Variants in ACVR2A observed in about 807,000 individuals in gnomAD.
ACVR2A encodes activin receptor type-2A.
ACVR2A carries 7 observed loss-of-function variants against 61.4 expected under a neutral mutation model. That is an observed-to-expected ratio of 0.11 (90% CI 0.06 to 0.21). The LOEUF (loss-of-function observed/expected upper bound fraction) is 0.21. Among genes scored for constraint, ACVR2A ranks in the 10% least tolerant of loss-of-function variants. The pLI is 1.00. For synonymous variants in ACVR2A, 193 were observed against 208.3 expected, an observed-to-expected ratio of 0.93 and a Z score of 0.63; for missense variants, 322 against 621.7, an observed-to-expected ratio of 0.52 and a Z score of 5.13.
At chr2:147,922,904 C>A in intron 8 of ACVR2A, 69 bp from the exon 9 acceptor site, 5 of 1,532,074 alleles carry the variant, frequency 3.3e-6, no homozygotes, top group Non-Finnish European at 4.4e-6. Context: ...TTTGATTCAT[C>A]TTACAAAATC....
intron 4 of ACVR2A, among the ~76,000 whole-genome samples, chr2:147,901,560 G>A (rs916640722): frequency 1.2e-4 from 18 of 151,920 alleles, no homozygotes; most frequent in Admixed American, 7.9e-4. Context: ...GTGAGTATCC[G>A]TACATCTCTG....
chr2:147,873,390 A>G (rs1558965692), intron 1 of ACVR2A, among the ~76,000 whole-genome samples: 2 of 151,990 alleles, frequency 1.3e-5, no homozygotes, highest in African/African-American at 2.4e-5. Flanking sequence ...AACATGATTA[A>G]TGTGGGTTTT....
chr2:147,919,665 C>T (rs941715628), intron 7 of ACVR2A, among the ~76,000 whole-genome samples: 14 of 152,040 alleles, frequency 9.2e-5, no homozygotes, highest in Non-Finnish European at 1.6e-4. Context: ...AACTGTTACC[C>T]TTTTCAGAAC....
intron 1 of ACVR2A, among the ~76,000 whole-genome samples, chr2:147,895,463 T>G (rs1184637370): frequency 1.3e-5 from 2 of 152,162 alleles, no homozygotes; most frequent in Non-Finnish European, 2.9e-5. Context: ...TTGTGTTTAG[T>G]GCAATGCCGT....
intron 9 of ACVR2A, chr2:147,925,658 T>G (rs1022785826): frequency 1.2e-5 from 2 of 161,290 alleles, no homozygotes; most frequent in African/African-American, 4.8e-5. Context: ...GAAGCACCAC[T>G]GTTAACATTC....
chr2:147,920,097 A>G, intron 7 of ACVR2A, 133 bp from the exon 8 acceptor site: 1 of 626,808 alleles, frequency 1.6e-6, no homozygotes, highest in East Asian at 2.8e-5. Context: ...TGTTTGTCTC[A>G]CTTTCTCTGC....
At chr2:147,857,119 C>A (rs971008153) in intron 1 of ACVR2A, among the ~76,000 whole-genome samples, 49 of 152,224 alleles carry the variant, frequency 3.2e-4, no homozygotes, top group African/African-American at 1.2e-3. Context: ...ATCCTCACTT[C>A]TGAAGGATGG....
chr2:147,866,447 C>A (rs1480238822), intron 1 of ACVR2A, among the ~76,000 whole-genome samples: 1 of 152,148 alleles, frequency 6.6e-6, no homozygotes, highest in Admixed American at 6.5e-5. Context: ...ATGCTTGGTT[C>A]AGGGACCGTA....
intron 1 of ACVR2A, among the ~76,000 whole-genome samples, chr2:147,855,626 A>G (rs1476443738): frequency 6.6e-6 from 1 of 152,104 alleles, no homozygotes; most frequent in Non-Finnish European, 1.5e-5. Context: ...GCTTGCCTAC[A>G]CTTATCAGTC....
At chr2:147,845,471 A>G (rs1268397244) in intron 1 of ACVR2A, among the ~76,000 whole-genome samples, 1 of 151,404 alleles carries the variant, frequency 6.6e-6, no homozygotes, top group African/African-American at 2.4e-5. Flanking sequence ...TGAGAAAGTC[A>G]TGTTTTGTGG....
At chr2:147,878,281 A>C (rs1686208828) in intron 1 of ACVR2A, among the ~76,000 whole-genome samples, 1 of 152,212 alleles carries the variant, frequency 6.6e-6, no homozygotes, top group Admixed American at 6.5e-5. Flanking sequence ...AATATTAAAC[A>C]AAAACATGTG....
intron 1 of ACVR2A, among the ~76,000 whole-genome samples, chr2:147,860,696 A>G (rs985966259): frequency 3.3e-5 from 5 of 152,244 alleles, no homozygotes; most frequent in African/African-American, 1.2e-4. Flanking sequence ...ACAGAACCAT[A>G]GTAGACAGGT....
At chr2:147,889,406 A>G (rs1030893035) in intron 1 of ACVR2A, among the ~76,000 whole-genome samples, 1 of 152,112 alleles carries the variant, frequency 6.6e-6, no homozygotes, top group South Asian at 2.1e-4. Flanking sequence ...ACAAAACTTG[A>G]ATTGTCCTCA....
At chr2:147,915,070 T>C in intron 4 of ACVR2A, 121 bp from the exon 5 acceptor site, 1 of 873,062 alleles carries the variant, frequency 1.1e-6, no homozygotes, top group East Asian at 2.6e-5. Context: ...GTTAATGTCA[T>C]TCATATGTGT....
chr2:147,915,557 T>C (rs1687228797), intron 5 of ACVR2A, among the ~76,000 whole-genome samples: 1 of 151,934 alleles, frequency 6.6e-6, no homozygotes, highest in South Asian at 2.1e-4. Context: ...AATGAATGCA[T>C]AGTAGATCTT....
chr2:147,869,260 C>A (rs1045894727), intron 1 of ACVR2A, among the ~76,000 whole-genome samples: 14 of 152,178 alleles, frequency 9.2e-5, no homozygotes, highest in African/African-American at 2.6e-4. Flanking sequence ...AATTGGTAAA[C>A]CTGGAAGTGT....
intron 6 of ACVR2A, among the ~76,000 whole-genome samples, chr2:147,917,857 A>C (rs141739366): frequency 6.6e-6 from 1 of 152,040 alleles, no homozygotes; most frequent in East Asian, 1.9e-4. Flanking sequence ...TTGCAGGGTA[A>C]TTATCACCAA....
At chr2:147,912,294 G>A (rs1687139102) in intron 4 of ACVR2A, among the ~76,000 whole-genome samples, 1 of 151,956 alleles carries the variant, frequency 6.6e-6, no homozygotes, top group Non-Finnish European at 1.5e-5. Context: ...ACATATAAAT[G>A]AGTAAAGAAG....
At chr2:147,858,325 A>C (rs1213047891) in intron 1 of ACVR2A, among the ~76,000 whole-genome samples, 1 of 152,158 alleles carries the variant, frequency 6.6e-6, no homozygotes, top group African/African-American at 2.4e-5. Context: ...CTTCGAATTC[A>C]GAATTTGTGA....
Sources: gnomAD v4.1 joint callset for allele counts (sites outside exome capture counted in the v4.1 genomes callset) on GRCh38, gnomAD v4.1.1 for gene constraint, MANE v1.5 for transcripts, NCBI Gene and HGNC (gene_info 2026-07-23, HGNC 2026-07-21) for gene names.